PRKN: variants seen among roughly 807,000 people sequenced by gnomAD.
The protein encoded by PRKN is E3 ubiquitin-protein ligase parkin.
Under a neutral mutation model 59.5 loss-of-function variants are expected in PRKN, and 56 were observed. The observed-to-expected ratio is 0.94, with a 90% confidence interval of 0.76 to 1.18. The LOEUF (loss-of-function observed/expected upper bound fraction) is 1.18. Among genes scored for constraint, PRKN ranks in the 50% most tolerant of loss-of-function variants. The probability of loss-of-function intolerance (pLI) is 0.00; values close to 1 mark genes in which losing one functional copy is unlikely to be tolerated. For missense variants in PRKN, 657 were observed against 596.4 expected (o/e 1.10, Z -1.06); for synonymous variants, 250 against 222.1 (o/e 1.13, Z -1.12).
At chr6:161,850,227 C>G (rs1793370199) in intron 6 of PRKN, among the ~76,000 whole-genome samples, 1 of 152,050 alleles carries the variant, frequency 6.6e-6, no homozygotes, top group Non-Finnish European at 1.5e-5. Context: ...TTTGAGATAG[C>G]ACTTGTGGAA....
intron 1 of PRKN, among the ~76,000 whole-genome samples, chr6:162,692,559 C>G (rs138539505): frequency 0.019 from 1,955 of 103,308 alleles, 16 homozygotes; most frequent in Non-Finnish European, 0.026. Context: ...TGTTCCACAC[C>G]TACAAGACAG....
At chr6:161,763,444 T>C (rs1459800363) in intron 7 of PRKN, among the ~76,000 whole-genome samples, 1 of 151,934 alleles carries the variant, frequency 6.6e-6, no homozygotes. Context: ...TTTAGTTGGT[T>C]CTGTTCCTGT....
intron 1 of PRKN, among the ~76,000 whole-genome samples, chr6:162,581,531 C>T (rs377089791): frequency 5.3e-5 from 8 of 152,320 alleles, no homozygotes; most frequent in East Asian, 3.9e-4. Flanking sequence ...GAGGGAAAGG[C>T]GGGCGGATCA....
intron 1 of PRKN, among the ~76,000 whole-genome samples, chr6:162,533,129 G>A (rs1778579550): frequency 6.6e-6 from 1 of 152,154 alleles, no homozygotes; most frequent in African/African-American, 2.4e-5. Context: ...ACCCATTATT[G>A]TAAGCAGCAA....
chr6:161,844,582 T>C (rs1319678925), intron 6 of PRKN, among the ~76,000 whole-genome samples: 4 of 152,232 alleles, frequency 2.6e-5, no homozygotes, highest in Non-Finnish European at 4.4e-5. Flanking sequence ...GTTTTTGTTT[T>C]ATTGAATTTT....
intron 2 of PRKN, among the ~76,000 whole-genome samples, chr6:162,351,027 T>TA (rs943844482): frequency 2.8e-4 from 42 of 151,318 alleles, no homozygotes; most frequent in South Asian, 1.5e-3. Context: ...CTATAAAAAA[T>TA]AAAAAAATAA....
chr6:161,559,940 C>CTTAAT (rs372877203), intron 8 of PRKN, among the ~76,000 whole-genome samples: 373 of 152,212 alleles, frequency 2.5e-3, no homozygotes, highest in African/African-American at 8.4e-3. Flanking sequence ...GAGAAGCTGC[C>CTTAAT]TTAATGCCAA....
chr6:161,583,557 T>C (rs569897317), intron 7 of PRKN, among the ~76,000 whole-genome samples: 3 of 152,158 alleles, frequency 2.0e-5, no homozygotes, highest in Non-Finnish European at 4.4e-5. Flanking sequence ...TTGTTTTCAT[T>C]GCCATTATAA....
At position 161,371,300 on chromosome 6, in the gene PRKN, G is replaced by T. The variant is rs1785435249; in HGVS notation, c.1168-11095C>A. On this transcript the variant is annotated intron_variant, in intron 10 of 11. Coordinates refer to ENST00000366898, the MANE Select transcript of PRKN (RefSeq NM_004562.3). The surrounding 1 kb of genome is among the most constrained non-coding windows in gnomAD (Gnocchi z 5.5). The stretch of plus-strand genomic sequence containing the variant: ...CTGCCTCGGCCTCTCAAGTAGCTGG[G>T]GTTACAGGTGCCTGCTACCACACCC... 6.6e-6 allele frequency among the ~76,000 whole-genome samples: 1 copy of T among 151,736 alleles called. No homozygotes were observed. The highest frequency in any genetic ancestry group is 1.5e-5 in the Non-Finnish European group (1 of 67,954).
chr6:162,409,310 G>T (rs1788231395), intron 2 of PRKN, among the ~76,000 whole-genome samples: 1 of 151,936 alleles, frequency 6.6e-6, no homozygotes, highest in South Asian at 2.1e-4. Context: ...AACTACAGGT[G>T]TGCTCTACCA....
chr6:161,523,947 AT>A (rs1778928448), intron 9 of PRKN, among the ~76,000 whole-genome samples: 1 of 152,160 alleles, frequency 6.6e-6, no homozygotes, highest in South Asian at 2.1e-4. Context: ...TGGGAATAAC[AT>A]TTCCCGTATC....
At chr6:161,366,907 TTTTG>T (rs1486196537) in intron 10 of PRKN, among the ~76,000 whole-genome samples, 7 of 152,050 alleles carry the variant, frequency 4.6e-5, no homozygotes, top group African/African-American at 1.4e-4. Flanking sequence ...CGAATCGCTT[TTTTG>T]TTTTTTTTCT....
Position 162,309,474 on chromosome 6 carries a change from A to T in PRKN, c.172-46709T>A, listed in dbSNP as rs190503899. ...GCCAGAAAATCACAACTCTATCCAG[A>T]AGATGCTCCTGAATCTGACATCCAG... is the stretch of plus-strand genomic sequence containing the variant. On this transcript the variant is annotated intron_variant, in intron 2 of 11. Transcript: ENST00000366898. Among the ~76,000 whole-genome samples, 770 of 152,258 alleles carry T rather than the reference A, an allele frequency of 5.1e-3. 4 individuals are homozygous for T. The highest frequency in any genetic ancestry group is 0.017 in the African/African-American group (720 of 41,548).
intron 1 of PRKN, among the ~76,000 whole-genome samples, chr6:162,525,149 C>G (rs966413745): frequency 3.3e-5 from 5 of 152,160 alleles, no homozygotes; most frequent in Admixed American, 2.6e-4. Context: ...GTTAGTCCTG[C>G]TTAGTCCTAG....
Position 162,297,145 on chromosome 6 carries a change from T to C in PRKN, c.172-34380A>G, listed in dbSNP as rs140787481. Among the ~76,000 whole-genome samples the C allele has an allele frequency of 3.2e-4, 48 of 151,956 alleles. No homozygotes were observed. The East Asian group carries it at 9.1e-3, about 29-fold the overall frequency. ...CAGTACAACAGGAACTGCTTAGCTCTGCTAATCAGATTCTAGAATTTTTCT... is the reference window on the plus strand; with the variant it reads ...CAGTACAACAGGAACTGCTTAGCTCCGCTAATCAGATTCTAGAATTTTTCT... On this transcript the variant is annotated intron_variant, in intron 2 of 11. Coordinates refer to ENST00000366898, the MANE Select transcript of PRKN (RefSeq NM_004562.3).
intron 1 of PRKN, among the ~76,000 whole-genome samples, chr6:162,711,404 G>C (rs924886033): frequency 7.5e-6 from 1 of 133,566 alleles, no homozygotes; most frequent in Non-Finnish European, 1.6e-5. Flanking sequence ...TCAAGCTGTT[G>C]GTCAAAACTG....
chr6:162,545,147 G>T (rs1217876272), intron 1 of PRKN, among the ~76,000 whole-genome samples: 1 of 151,802 alleles, frequency 6.6e-6, no homozygotes, highest in Non-Finnish European at 1.5e-5. Context: ...AATGAGCTGG[G>T]TGTAGAGGCA....
At chr6:162,722,447 T>C (rs910026622) in intron 1 of PRKN, among the ~76,000 whole-genome samples, 2 of 152,180 alleles carry the variant, frequency 1.3e-5, no homozygotes, top group Non-Finnish European at 2.9e-5. Flanking sequence ...GTCTCTTTAA[T>C]ATTACAAAAT....
chr6:162,313,977 T>C lies in PRKN; in HGVS notation c.172-51212A>G, dbSNP rs115143362. ...TTGAAACTTTTAAAAATCATTTCAT[T>C]GTTAGGCACAACTGACAAAAAGAGA... On this transcript the variant is annotated intron_variant, in intron 2 of 11. Transcript: ENST00000366898. Among the ~76,000 whole-genome samples the C allele has an allele frequency of 7.3e-3, 1,118 of 152,314 alleles. 14 individuals carry two copies. The highest frequency in any genetic ancestry group is 0.024 in the African/African-American group (1,014 of 41,570).
Sources: gnomAD v4.1 joint callset for allele counts (sites outside exome capture counted in the v4.1 genomes callset) on GRCh38, gnomAD v4.1.1 for gene constraint, Gnocchi (gnomAD v3.1) non-coding constraint, MANE v1.5 for transcripts, NCBI Gene and HGNC (gene_info 2026-07-23, HGNC 2026-07-21) for gene names.